TENM1: variants seen among roughly 807,000 people sequenced by gnomAD.
TENM1 encodes the protein teneurin-1.
TENM1 carries 35 observed loss-of-function variants against 174.8 expected under a neutral mutation model. The ratio of observed to expected loss-of-function variants is 0.20; its 90% CI spans 0.15 to 0.27. TENM1 has a LOEUF of 0.27. TENM1 is among the 10% of genes least tolerant of loss of function. The pLI, the probability that TENM1 is intolerant of heterozygous loss-of-function variation, is 1.00. For synonymous variants in TENM1, 781 were observed against 798.7 expected (o/e 0.98, Z 0.37); for missense variants, 1,633 against 2,130.1 (o/e 0.77, Z 4.59).
chrX:124,377,391 G>A lies in TENM1; in HGVS notation c.*3145C>T, dbSNP rs186003787. On this transcript the variant is annotated 3_prime_UTR_variant, in exon 32 of 32. Transcript: ENST00000422452. Reference sequence around the variant, plus strand: ...CACACTTATTTTATACATTTTTTGGGTTAAAAATAAATCATATACTTATTT... The same window carrying A: ...CACACTTATTTTATACATTTTTTGGATTAAAAATAAATCATATACTTATTT... 7 of 110,879 alleles carry A rather than the reference G, an allele frequency of 6.3e-5. No homozygotes were observed. The East Asian group carries it at 2.0e-3, about 31-fold the overall frequency. 9.1% of individuals were successfully genotyped at this position (110,879 alleles called of 1,213,427 possible).
the TENM1 span, among the ~76,000 whole-genome samples, chrX:125,017,857 C>T: frequency 2.8e-4 from 31 of 110,514 alleles, no homozygotes; most frequent in South Asian, 3.2e-3. Flanking sequence ...CATCACACAC[C>T]GGAGCCTATC....
At chrX:124,813,831 T>A (rs1018572260) in intron 3 of TENM1, among the ~76,000 whole-genome samples, 4 of 110,981 alleles carry the variant, frequency 3.6e-5, no homozygotes, top group African/African-American at 1.3e-4. Context: ...TATAAAAAAA[T>A]GCCAATATGC....
chrX:124,536,003 C>T (rs1032690761), intron 15 of TENM1, among the ~76,000 whole-genome samples: 1 of 111,531 alleles, frequency 9.0e-6, no homozygotes, highest in Non-Finnish European at 1.9e-5. Context: ...TAAACAGTAC[C>T]TATTGTGATC....
chrX:125,044,928 A>G, the TENM1 span, among the ~76,000 whole-genome samples: 1 of 111,713 alleles, frequency 9.0e-6, no homozygotes, highest in Admixed American at 9.5e-5. Context: ...CTGCACTAAG[A>G]TCTCTCAGGA....
the TENM1 span, among the ~76,000 whole-genome samples, chrX:125,116,313 G>A: frequency 8.9e-6 from 1 of 111,968 alleles, no homozygotes; most frequent in Non-Finnish European, 1.9e-5. Context: ...ATACCATTCA[G>A]GACATAGGCA....
the TENM1 span, among the ~76,000 whole-genome samples, chrX:125,057,030 C>T: frequency 1.8e-5 from 2 of 111,560 alleles, no homozygotes; most frequent in Admixed American, 1.9e-4. Context: ...TTCCCAAGGT[C>T]TAAAAGCAAT....
At chrX:125,015,646 T>C in the TENM1 span, among the ~76,000 whole-genome samples, 1 of 111,022 alleles carries the variant, frequency 9.0e-6, no homozygotes, top group Non-Finnish European at 1.9e-5. Flanking sequence ...AAACCTGATA[T>C]TGGAACATAG....
At chrX:124,640,774 C>T (rs909082856) in intron 11 of TENM1, among the ~76,000 whole-genome samples, 3 of 109,868 alleles carry the variant, frequency 2.7e-5, no homozygotes, top group African/African-American at 1.0e-4. Flanking sequence ...TCCTGGCTAA[C>T]ACGGTGAAAC....
chrX:125,150,292 T>C, the TENM1 span, among the ~76,000 whole-genome samples: 2 of 111,928 alleles, frequency 1.8e-5, no homozygotes, highest in Non-Finnish European at 3.8e-5. Flanking sequence ...TTGAAAAAGG[T>C]AGGGCTTAGT....
chrX:124,714,724 T>C, intron 4 of TENM1, among the ~76,000 whole-genome samples: 2 of 111,562 alleles, frequency 1.8e-5, no homozygotes. Context: ...AATTCAACAT[T>C]CTTTAACAGG....
At chrX:125,174,285 T>A in the TENM1 span, among the ~76,000 whole-genome samples, 10 of 111,056 alleles carry the variant, frequency 9.0e-5, no homozygotes, top group African/African-American at 3.3e-4. Context: ...GCAGTTAGAG[T>A]TATAAAGGTA....
the TENM1 span, among the ~76,000 whole-genome samples, chrX:124,980,091 G>T: frequency 9.0e-6 from 1 of 111,625 alleles, no homozygotes; most frequent in African/African-American, 3.3e-5. Context: ...CATGGAAGAG[G>T]CTGGGCTTGG....
At chrX:124,840,710 T>G (rs1391491694) in intron 3 of TENM1, among the ~76,000 whole-genome samples, 2 of 111,983 alleles carry the variant, frequency 1.8e-5, no homozygotes, top group Admixed American at 9.5e-5. Context: ...CTGTTTTCGT[T>G]AGGTTAATCA....
chrX:124,683,244 T>C (rs1400738682), intron 5 of TENM1, among the ~76,000 whole-genome samples: 4 of 111,660 alleles, frequency 3.6e-5, no homozygotes, highest in Non-Finnish European at 5.6e-5. Context: ...GCTTTGCACC[T>C]AGGACACAGA....
chrX:124,802,385 G>A (rs1054521548), intron 3 of TENM1, among the ~76,000 whole-genome samples: 2 of 111,292 alleles, frequency 1.8e-5, no homozygotes, highest in Non-Finnish European at 3.8e-5. Flanking sequence ...GCCGCAGTTT[G>A]CTGGGGGTTC....
the TENM1 span, among the ~76,000 whole-genome samples, chrX:125,014,214 A>T: frequency 8.9e-6 from 1 of 112,678 alleles, no homozygotes; most frequent in Non-Finnish European, 1.9e-5. Context: ...TAGCTTCCTC[A>T]TCTGCTAGAT....
At chrX:124,392,169 C>A (rs762031265) in exon 28 of TENM1, 1 of 1,210,967 alleles carries the variant, frequency 8.3e-7, no homozygotes, top group South Asian at 1.8e-5. Flanking sequence ...TAAACGTCAC[C>A]AATCCCGAAG....
At chrX:124,608,298 C>T (rs2050205119) in intron 11 of TENM1, among the ~76,000 whole-genome samples, 1 of 111,523 alleles carries the variant, frequency 9.0e-6, no homozygotes, top group Non-Finnish European at 1.9e-5. Flanking sequence ...CATCAGTTTT[C>T]AGCTTTCCAA....
At chrX:124,920,218 T>C (rs1287269057) in intron 1 of TENM1, among the ~76,000 whole-genome samples, 2 of 111,769 alleles carry the variant, frequency 1.8e-5, no homozygotes, top group African/African-American at 3.2e-5. Context: ...AGAAAACACA[T>C]AAATACATAA....
Sources: gnomAD v4.1 joint callset for allele counts (sites outside exome capture counted in the v4.1 genomes callset) on GRCh38, gnomAD v4.1.1 for gene constraint, MANE v1.5 for transcripts, NCBI Gene and HGNC (gene_info 2026-07-23, HGNC 2026-07-21) for gene names.